Variants in ZNF783 observed in about 807,000 individuals in gnomAD.
ZNF783 encodes zinc finger protein 783.
ZNF783 carries 25 observed loss-of-function variants against 31.3 expected under a neutral mutation model. The ratio of observed to expected loss-of-function variants is 0.80; its 90% confidence interval spans 0.58 to 1.11. The LOEUF (loss-of-function observed/expected upper bound fraction) is 1.11, where lower values mean the gene tolerates loss of function less well. Ranked by LOEUF, ZNF783 falls within the 50% of genes most tolerant of loss-of-function variation. The pLI is 0.00. For synonymous variants in ZNF783, 369 were observed against 319.1 expected (o/e 1.16, Z -1.66); for missense variants, 797 against 760.0 (o/e 1.05, Z -0.57).
At chr7:149,275,241 G>A (rs1215252012) in intron 4 of ZNF783, among the ~76,000 whole-genome samples, 1 of 151,088 alleles carries the variant, frequency 6.6e-6, no homozygotes, top group Non-Finnish European at 1.5e-5. Context: ...TTTGTATATT[G>A]ATTCCGTATG....
At position 149,266,830 on chromosome 7, in the gene ZNF783, C is replaced by G; in HGVS notation, c.432C>G (p.Thr144=). 2 of 1,613,994 alleles carry G rather than the reference C, an allele frequency of 1.2e-6. No individual in the cohort carries two copies. Among genetic ancestry groups the G allele is most frequent in the South Asian group, 2.2e-5 (2 of 91,082 alleles). The change falls in exon 3 of 6, where the codon ACC becomes ACG. Residue 144 remains threonine (T), a synonymous_variant. Transcript: ENST00000434415. ...SKGEAPKVPV[T]FDDVAVYFSE... The stretch of plus-strand genomic sequence containing the variant: ...ACTTATGGTTCCAGGTGCCCGTGAC[C>G]TTCGATGATGTGGCCGTGTATTTCT...
chr7:149,280,851 T>C (rs995104575), intron 5 of ZNF783, among the ~76,000 whole-genome samples: 1 of 152,218 alleles, frequency 6.6e-6, no homozygotes, highest in Non-Finnish European at 1.5e-5. Flanking sequence ...TTGGTTGTCC[T>C]TGTCACTGCT....
chr7:149,262,811 T>C (rs1191357296), intron 1 of ZNF783, among the ~76,000 whole-genome samples: 1 of 152,210 alleles, frequency 6.6e-6, no homozygotes, highest in East Asian at 1.9e-4. Flanking sequence ...GGGCAGGGAT[T>C]TTGGAATTAG....
At chr7:149,280,813 C>T (rs773076347) in intron 5 of ZNF783, among the ~76,000 whole-genome samples, 2 of 152,204 alleles carry the variant, frequency 1.3e-5, no homozygotes, top group African/African-American at 4.8e-5. Context: ...ACGTCTCCAG[C>T]ACATTGCTGT....
intron 4 of ZNF783, among the ~76,000 whole-genome samples, chr7:149,269,207 A>AT (rs1222697931): frequency 6.6e-6 from 1 of 152,090 alleles, no homozygotes; most frequent in Non-Finnish European, 1.5e-5. Flanking sequence ...GATGGTGAGC[A>AT]TTTTTTCATG....
At position 149,281,754 on chromosome 7, in the gene ZNF783, GC is replaced by G; in HGVS notation, c.1056del (p.Asp353ThrfsTer8). The part of the protein sequence containing the change: ...LSRRRQRAFP[C>X]PDCGQSFRLK... ...CGCAGGCGGCAGCGGGCATTCCCCT[GC>G]CCCGACTGCGGGCAGAGCTTCCGCC... On this transcript the variant is annotated frameshift_variant, in exon 6 of 6. Transcript: ENST00000434415. LOFTEE classifies it low-confidence loss of function (END_TRUNC). 6.7e-7 allele frequency: 1 copy of G among 1,493,048 alleles called. No homozygotes were observed. The highest frequency in any genetic ancestry group is 8.8e-7 in the Non-Finnish European group (1 of 1,130,268). The allele number at this position is 1,493,048 out of a possible 1,614,324, so 92.5% of individuals were successfully genotyped here.
chr7:149,276,264 T>G (rs1797326793), intron 4 of ZNF783: 1 of 836,412 alleles, frequency 1.2e-6, no homozygotes, highest in Non-Finnish European at 1.4e-6. Context: ...TTTCTCATTC[T>G]TTTTTGAGGC....
Position 149,266,747 on chromosome 7 carries a change from C to T in ZNF783, c.420+17C>T. The stretch of plus-strand genomic sequence containing the variant: ...GCCCCCAAGGTAGCACCGGGACACC[C>T]TGGGGTGGGGGAGCTCGAGGGGCTG... On this transcript the variant is annotated intron_variant, in intron 2 of 5. Transcript: ENST00000434415. 1.2e-6 allele frequency: 2 copies of T among 1,613,510 alleles called. No individual in the cohort carries two copies. Among genetic ancestry groups the T allele is most frequent in the Non-Finnish European group, 1.7e-6 (2 of 1,179,696 alleles).
At position 149,278,413 on chromosome 7, in the gene ZNF783, C is replaced by G; in HGVS notation, c.688C>G (p.Pro230Ala). 1 of 1,599,366 alleles carries G rather than the reference C, an allele frequency of 6.3e-7. No individual in the cohort carries two copies. The highest frequency in any genetic ancestry group is 8.5e-7 in the Non-Finnish European group (1 of 1,179,768). ...RMMGTGLPPY[P>A]EHLTSPLSPA... ...ACATTCTCCAGGCCTCCCTCCGTAT[C>G]CAGAGCACCTCACCAGCCCACTTAG... The change falls in exon 5 of 6, where the codon CCA becomes GCA. Residue 230 changes from proline to alanine, a missense_variant. By Grantham distance (27) the Pro-to-Ala change is conservative (BLOSUM62 -1). Coordinates refer to ENST00000434415, the MANE Select transcript of ZNF783 (RefSeq NM_001195220.2).
At chr7:149,266,125 C>CA (rs1270045329) in intron 1 of ZNF783, among the ~76,000 whole-genome samples, 1 of 152,190 alleles carries the variant, frequency 6.6e-6, no homozygotes, top group Non-Finnish European at 1.5e-5. Context: ...CACTTGCTGA[C>CA]ACGTTGGTCC....
chr7:149,262,610 G>C (rs1435911996), intron 1 of ZNF783, among the ~76,000 whole-genome samples: 1 of 152,220 alleles, frequency 6.6e-6, no homozygotes, highest in African/African-American at 2.4e-5. Context: ...AGCCAGGCCG[G>C]GCCCCAGAGT....
chr7:149,281,360 T>A, intron 5 of ZNF783, 145 bp from the exon 6 acceptor site: 1 of 562,860 alleles, frequency 1.8e-6, no homozygotes, highest in Non-Finnish European at 2.7e-6. Flanking sequence ...GTGGCAGGGC[T>A]CAGTGAGCAG....
chr7:149,262,525 G>C (rs1281180243), intron 1 of ZNF783, among the ~76,000 whole-genome samples, 168 bp downstream of exon 1: 3 of 152,320 alleles, frequency 2.0e-5, no homozygotes, highest in Non-Finnish European at 4.4e-5. Context: ...GGCATTGACC[G>C]GGCGGCCCAA....
At chr7:149,278,583 C>G in intron 5 of ZNF783, 56 bp downstream of exon 5, 1 of 1,594,540 alleles carries the variant, frequency 6.3e-7, no homozygotes, top group Non-Finnish European at 8.5e-7. Context: ...AGCACGCGAT[C>G]ACCAAGCGAT....
chr7:149,280,448 G>C (rs1797439504), intron 5 of ZNF783, among the ~76,000 whole-genome samples: 1 of 152,078 alleles, frequency 6.6e-6, no homozygotes, highest in Non-Finnish European at 1.5e-5. Context: ...GGTGGGACCT[G>C]GTGAGGGGCT....
Position 149,281,791 on chromosome 7 carries a change from T to A in ZNF783, c.1089T>A (p.Asn363Lys), listed in dbSNP as rs1052125531. ...DCGQSFRLKI[N>K]LTIHQRTHVE... ...GGCAGAGCTTCCGCCTGAAGATCAATCTGACGATTCATCAGCGGACCCATG... is the reference window on the plus strand; with the variant it reads ...GGCAGAGCTTCCGCCTGAAGATCAAACTGACGATTCATCAGCGGACCCATG... Residue 363 changes from asparagine to lysine, a missense_variant, in exon 6 of 6, where the codon AAT becomes AAA. Transcript: ENST00000434415. 6.6e-7 allele frequency: 1 copy of A among 1,515,652 alleles called. No individual in the cohort carries two copies. The highest frequency in any genetic ancestry group is 1.3e-5 in the South Asian group (1 of 78,120). The allele number at this position is 1,515,652 out of a possible 1,614,324, so 93.9% of individuals were successfully genotyped here. A position where few individuals can be genotyped will look rare whatever the true frequency, so the allele number is the denominator to read the frequency against.
At chr7:149,262,456 G>GT in intron 1 of ZNF783, 99 bp downstream of exon 1, 10 of 1,004,282 alleles carry the variant, frequency 1.0e-5, no homozygotes, top group Non-Finnish European at 1.1e-5. Flanking sequence ...GGGGTGAGAG[G>GT]GCCTTGCGCG....
intron 5 of ZNF783, 49 bp from the exon 6 acceptor site, chr7:149,281,456 G>T: frequency 7.1e-7 from 1 of 1,408,774 alleles, no homozygotes; most frequent in South Asian, 1.7e-5. Context: ...TGACCTGGGG[G>T]ACAGGGTGGT....
Position 149,281,840 on chromosome 7 carries a change from C to A in ZNF783, c.1138C>A (p.Pro380Thr). The change falls in exon 6 of 6, where the codon CCC becomes ACC. Residue 380 changes from proline to threonine, a missense_variant. Coordinates refer to ENST00000434415, the MANE Select transcript of ZNF783 (RefSeq NM_001195220.2). Reference protein sequence around the residue: ...THVEEGRQEAPGRSPTSCGDS... With the variant: ...THVEEGRQEATGRSPTSCGDS... ...TGTGGAGGAGGGGCGGCAGGAGGCC[C>A]CCGGCCGCTCGCCCACCAGCTGCGG... is the stretch of plus-strand genomic sequence containing the variant. 1 of 1,497,314 alleles carries A rather than the reference C, an allele frequency of 6.7e-7. No homozygotes were observed. Among genetic ancestry groups the A allele is most frequent in the East Asian group, 2.4e-5 (1 of 42,398 alleles). The allele number at this position is 1,497,314 out of a possible 1,614,324, so 92.8% of individuals were successfully genotyped here.
Sources: allele counts gnomAD v4.1 joint callset (sites outside exome capture counted in the v4.1 genomes callset), GRCh38; gene constraint gnomAD v4.1.1; transcripts MANE v1.5; gene names NCBI Gene and HGNC (gene_info 2026-07-23, HGNC 2026-07-21).